PIKFYVE: variants seen among roughly 807,000 people sequenced by gnomAD.
PIKFYVE encodes the protein 1-phosphatidylinositol 3-phosphate 5-kinase.
PIKFYVE carries 122 observed loss-of-function variants against 257.9 expected under a neutral mutation model. The ratio of observed to expected loss-of-function variants is 0.47; its 90% CI spans 0.41 to 0.55. The LOEUF is 0.55. Ranked by LOEUF, PIKFYVE falls within the 20% of genes least tolerant of loss-of-function variation. PIKFYVE has a pLI of 0.00. For missense variants in PIKFYVE, 2,160 were observed against 2,536.6 expected (o/e 0.85, Z 3.19); for synonymous variants, 892 against 868.9 (o/e 1.03, Z -0.47).
intron 38 of PIKFYVE, 53 bp downstream of exon 38, chr2:208,351,508 T>C (rs1038910163): frequency 9.7e-6 from 13 of 1,340,090 alleles, no homozygotes; most frequent in Non-Finnish European, 1.4e-5. Flanking sequence ...TTTTTTCACA[T>C]CCTGAATCTT....
At position 208,325,586 on chromosome 2, in the gene PIKFYVE, T is replaced by C. The variant is rs1266854239; in HGVS notation, c.2775T>C (p.Asp925=). Residue 925 remains aspartate (D), a synonymous_variant, in exon 20 of 42, where the codon GAT becomes GAC. Coordinates refer to ENST00000264380, the MANE Select transcript of PIKFYVE (RefSeq NM_015040.4). ...TCCCTCCTGAGTCTCTGCCCTGTGA[T>C]GATAGCAGTTTGCTGGAATTGAGGA... is the stretch of plus-strand genomic sequence containing the variant. ...PDIPPESLPC[D]DSSLLELRIV... The C allele has an allele frequency of 1.2e-6, 2 of 1,613,964 alleles. No homozygotes were observed. Among genetic ancestry groups the C allele is most frequent in the Non-Finnish European group, 1.7e-6 (2 of 1,179,954 alleles).
At chr2:208,316,502 A>G (rs1695536506) in intron 15 of PIKFYVE, among the ~76,000 whole-genome samples, 1 of 151,894 alleles carries the variant, frequency 6.6e-6, no homozygotes, top group South Asian at 2.1e-4. Context: ...AACAGTGTAA[A>G]AGTGTTCCTA....
At position 208,339,429 on chromosome 2, in the gene PIKFYVE, T is replaced by G; in HGVS notation, c.4684T>G (p.Leu1562Val). The G allele has an allele frequency of 6.2e-7, 1 of 1,614,194 alleles. No individual in the cohort carries two copies. The highest frequency in any genetic ancestry group is 1.7e-5 in the Admixed American group (1 of 60,022). ...LQNGEKEDRFLTTLSSQSSTS... is the reference protein window; with the variant it reads ...LQNGEKEDRFVTTLSSQSSTS... ...GTGTTTTTCTTTAGAGGATCGCTTC[T>G]TAACAACTTTGTCCAGCCAGAGCTC... is the stretch of plus-strand genomic sequence containing the variant. Residue 1562 changes from leucine (L) to valine (V), a missense_variant, in exon 30 of 42, where the codon TTA becomes GTA. By Grantham distance (32) the Leu-to-Val change is conservative. Coordinates refer to ENST00000264380, the MANE Select transcript of PIKFYVE (RefSeq NM_015040.4).
chr2:208,340,806 G>A (rs1354904766), intron 31 of PIKFYVE, among the ~76,000 whole-genome samples: 2 of 152,080 alleles, frequency 1.3e-5, no homozygotes, highest in African/African-American at 4.8e-5. Context: ...GTAAGGAACT[G>A]TCATCACTCT....
rs575354441 is a variant in PIKFYVE, at chr2:208,346,927, T to G, written c.5209+780T>G. ...GCAAGCTGCCGCTGTTCTCTTTCAT[T>G]AGGAAAGCAGAGGCTCCTCCTTTAG... is the stretch of plus-strand genomic sequence containing the variant. On this transcript the variant is annotated intron_variant, in intron 34 of 41. Transcript: ENST00000264380. Among the ~76,000 whole-genome samples, 28 of 152,340 alleles carry G rather than the reference T, an allele frequency of 1.8e-4. No individual in the cohort carries two copies. In the South Asian group the frequency reaches 2.5e-3, roughly 14 times the overall value.
intron 10 of PIKFYVE, among the ~76,000 whole-genome samples, chr2:208,302,808 G>T (rs1385846070): frequency 6.6e-6 from 1 of 152,080 alleles, no homozygotes; most frequent in African/African-American, 2.4e-5. Flanking sequence ...GGCTGGGTAC[G>T]GTGGCTCACG....
chr2:208,334,114 C>A (rs1697861494), intron 24 of PIKFYVE, among the ~76,000 whole-genome samples: 1 of 152,216 alleles, frequency 6.6e-6, no homozygotes, highest in Non-Finnish European at 1.5e-5. Flanking sequence ...TTTGAGACAG[C>A]CTTCAGGTTC....
At position 208,302,369 on chromosome 2, in the gene PIKFYVE, T is replaced by C; in HGVS notation, c.1320+16T>C. On this transcript the variant is annotated intron_variant, in intron 10 of 41. Transcript: ENST00000264380. ...ACCACTGCAGGTACTTTTCAGTGTT[T>C]ACTGCCAATTAGAATGTAGCAAGCT... 1 of 1,580,620 alleles carries C rather than the reference T, an allele frequency of 6.3e-7. No homozygotes were observed. The highest frequency in any genetic ancestry group is 8.7e-7 in the Non-Finnish European group (1 of 1,149,654).
chr2:208,337,123 C>G (rs1354711090), intron 28 of PIKFYVE, among the ~76,000 whole-genome samples, 195 bp downstream of exon 28: 1 of 152,068 alleles, frequency 6.6e-6, no homozygotes, highest in Non-Finnish European at 1.5e-5. Context: ...AAAATGATCA[C>G]TTATAATTTA....
At chr2:208,290,274 A>G (rs951373491) in intron 7 of PIKFYVE, among the ~76,000 whole-genome samples, 4 of 152,138 alleles carry the variant, frequency 2.6e-5, no homozygotes, top group South Asian at 2.1e-4. Context: ...GGCTTCTCCT[A>G]TTTATCCCTT....
rs1559139494 is a variant in PIKFYVE at position 208,330,029 on chromosome 2, T to TTGCACTATGAA, written c.3791+116_3791+117insTGCACTATGAA. The TTGCACTATGAA allele has an allele frequency of 4.4e-6, 6 of 1,377,698 alleles. No homozygotes were observed. In the African/African-American group the frequency reaches 7.2e-5, roughly 16 times the overall value. 85.3% of individuals were successfully genotyped at this position (1,377,698 alleles called of 1,614,324 possible). On this transcript the variant is annotated intron_variant, in intron 22 of 41. Coordinates refer to ENST00000264380, the MANE Select transcript of PIKFYVE (RefSeq NM_015040.4). Reference sequence around the variant, plus strand: ...GACTGTTACATGATCCTCACTTTCATAGTGCATATCAGAGTATATCATTCA... The same window carrying TTGCACTATGAA: ...GACTGTTACATGATCCTCACTTTCATTGCACTATGAAAGTGCATATCAGAGTATATCATTCA...
Position 208,314,379 on chromosome 2 carries a change from C to A in PIKFYVE, c.1782C>A (p.Leu594=), listed in dbSNP as rs377413630. Residue 594 remains leucine, a synonymous_variant, in exon 14 of 42, where the codon CTC becomes CTA. Coordinates refer to ENST00000264380, the MANE Select transcript of PIKFYVE (RefSeq NM_015040.4). ...GCTGGCATCATAACAACCTGGAGCT[C>A]CTGAGGGAGGAGAATGGGGAGAAAC... The part of the protein sequence containing the change: ...PLGWHHNNLE[L]LREENGEKQA... 11 of 1,613,790 alleles carry A rather than the reference C, an allele frequency of 6.8e-6. No homozygotes were observed. In the African/African-American group the frequency reaches 1.5e-4, roughly 22 times the overall value.
chr2:208,304,136 G>A lies in PIKFYVE; in HGVS notation c.1321-35G>A, dbSNP rs1574530163. On this transcript the variant is annotated intron_variant, in intron 10 of 41. Transcript: ENST00000264380. ...CAGCCTCAACATTGTTGCCATTGAA[G>A]GCCAATTGCTTGGATCCTGTCTTCA... is the stretch of plus-strand genomic sequence containing the variant. 4 of 1,611,214 alleles carry A rather than the reference G, an allele frequency of 2.5e-6. No individual in the cohort carries two copies. In the East Asian group the frequency reaches 8.9e-5, roughly 36 times the overall value.
intron 16 of PIKFYVE, among the ~76,000 whole-genome samples, chr2:208,319,750 A>G (rs900368340): frequency 3.7e-4 from 56 of 152,290 alleles, no homozygotes; most frequent in Non-Finnish European, 6.5e-4. Flanking sequence ...TTTGAACTTC[A>G]TGTTTCCTAT....
chr2:208,353,822 CTTT>C, intron 39 of PIKFYVE, 73 bp from the exon 40 acceptor site: 8 of 1,552,936 alleles, frequency 5.2e-6, no homozygotes, highest in Non-Finnish European at 7.1e-6. Flanking sequence ...GTCTTTCTGC[CTTT>C]TTTATTTACT....
At position 208,302,269 on chromosome 2, in the gene PIKFYVE, A is replaced by C. The variant is rs750223340; in HGVS notation, c.1236A>C (p.Ala412=). ...CACAAGCTATAGCAATTGGACAAGC[A>C]ATGGTTGATGGACGTTGGCTGGATT... ...TRAQAIAIGQ[A]MVDGRWLDCV... is the part of the protein sequence containing the mutation. Residue 412 remains alanine (A), a synonymous_variant, in exon 10 of 42, where the codon GCA becomes GCC. Transcript: ENST00000264380. The C allele has an allele frequency of 1.2e-6, 2 of 1,614,092 alleles. No individual in the cohort carries two copies. The highest frequency in any genetic ancestry group is 1.7e-6 in the Non-Finnish European group (2 of 1,179,964).
chr2:208,287,959 A>G (rs1691802327), intron 6 of PIKFYVE, among the ~76,000 whole-genome samples: 1 of 152,092 alleles, frequency 6.6e-6, no homozygotes, highest in African/African-American at 2.4e-5. Flanking sequence ...TACCTTACAT[A>G]TATTTTATAA....
chr2:208,289,723 C>T (rs1021831476), intron 7 of PIKFYVE, among the ~76,000 whole-genome samples: 1 of 152,152 alleles, frequency 6.6e-6, no homozygotes, highest in Non-Finnish European at 1.5e-5. Context: ...AGCCACCGAG[C>T]CCAGCCTGTT....
intron 9 of PIKFYVE, 24 bp downstream of exon 9, chr2:208,301,118 A>T: frequency 1.2e-6 from 2 of 1,612,114 alleles, no homozygotes; most frequent in Non-Finnish European, 1.7e-6. Context: ...AGAAGGTTTC[A>T]ATATTATTTG....
Sources: gnomAD v4.1 joint callset for allele counts (sites outside exome capture counted in the v4.1 genomes callset) on GRCh38, gnomAD v4.1.1 for gene constraint, MANE v1.5 for transcripts, NCBI Gene and HGNC (gene_info 2026-07-23, HGNC 2026-07-21) for gene names.